Variants in AFF1 observed in about 807,000 individuals in gnomAD.
AFF1 encodes AF4/FMR2 family member 1.
AFF1 carries 48 observed loss-of-function variants against 121.7 expected under a neutral mutation model. That is an observed-to-expected ratio of 0.39 (90% CI 0.31 to 0.50). The LOEUF (loss-of-function observed/expected upper bound fraction) is 0.50. Among genes scored for constraint, AFF1 ranks in the 20% least tolerant of loss-of-function variants. AFF1 has a pLI of 0.76. For missense variants in AFF1, 1,523 were observed against 1,511.7 expected (o/e 1.01, Z -0.12); for synonymous variants, 613 against 563.0 (o/e 1.09, Z -1.26).
At chr4:87,000,580 TAAAAC>T (rs1338041356) in intron 2 of AFF1, among the ~76,000 whole-genome samples, 1 of 150,374 alleles carries the variant, frequency 6.7e-6, no homozygotes, top group Non-Finnish European at 1.5e-5. Context: ...TATTCTAAAA[TAAAAC>T]ATTTATTAAA....
chr4:87,022,331 C>G (rs1025087130), intron 2 of AFF1, among the ~76,000 whole-genome samples: 1 of 150,776 alleles, frequency 6.6e-6, no homozygotes, highest in Non-Finnish European at 1.5e-5. Flanking sequence ...AGGTAGTTAA[C>G]AGAGATATTA....
At chr4:87,102,033 T>C (rs1725479926) in intron 8 of AFF1, among the ~76,000 whole-genome samples, 1 of 152,144 alleles carries the variant, frequency 6.6e-6, no homozygotes, top group South Asian at 2.1e-4. Context: ...TGCCAGAACC[T>C]GTATGTGGCT....
chr4:87,114,564 C>T lies in AFF1; in HGVS notation c.1731C>T (p.Ala577=). 6.2e-7 allele frequency: 1 copy of T among 1,604,886 alleles called. No individual in the cohort carries two copies. The highest frequency in any genetic ancestry group is 8.5e-7 in the Non-Finnish European group (1 of 1,175,930). Residue 577 remains alanine, a synonymous_variant, in exon 12 of 21, where the codon GCC becomes GCT. Transcript: ENST00000395146. The part of the protein sequence containing the change: ...KDPPPKSSSK[A]PRAPPEAPHP... Reference sequence around the variant, plus strand: ...CTCCCCCTAAAAGCTCCAGCAAAGCCCCCCGGGCCCCACCCGAAGCCCCCC... The same window carrying T: ...CTCCCCCTAAAAGCTCCAGCAAAGCTCCCCGGGCCCCACCCGAAGCCCCCC...
At chr4:87,124,837 A>T (rs1293677149) in intron 12 of AFF1, among the ~76,000 whole-genome samples, 200 bp from the exon 13 acceptor site, 1 of 152,208 alleles carries the variant, frequency 6.6e-6, no homozygotes. Flanking sequence ...TAGAAATTAT[A>T]TCAAATCTAC....
intron 2 of AFF1, among the ~76,000 whole-genome samples, chr4:86,999,168 GT>G (rs139257428): frequency 0.041 from 6,308 of 152,186 alleles, 175 homozygotes; most frequent in Middle Eastern, 0.1. Flanking sequence ...ATTTTAAGGG[GT>G]TTATTGCTGA....
At chr4:87,001,452 G>A (rs1461285754) in intron 2 of AFF1, among the ~76,000 whole-genome samples, 1 of 151,894 alleles carries the variant, frequency 6.6e-6, no homozygotes, top group Non-Finnish European at 1.5e-5. Flanking sequence ...TCCTGACCTC[G>A]TGATCCACCC....
chr4:86,975,546 C>G (rs963902553), intron 2 of AFF1, among the ~76,000 whole-genome samples: 12 of 152,190 alleles, frequency 7.9e-5, no homozygotes, highest in Non-Finnish European at 1.5e-4. Flanking sequence ...CCACTGTGCT[C>G]AGTCTTCCAC....
rs1341888173 is a variant in AFF1, at chr4:87,139,773, C to A, written c.*4072C>A. ...TAGCATCGTGTTGGGGGTTTTCCTTCAAACACTGCAAGTGATATTGCCACC... is the reference window on the plus strand; with the variant it reads ...TAGCATCGTGTTGGGGGTTTTCCTTAAAACACTGCAAGTGATATTGCCACC... On this transcript the variant is annotated 3_prime_UTR_variant, in exon 21 of 21. Transcript: ENST00000395146. 8 of 225,738 alleles carry A rather than the reference C, an allele frequency of 3.5e-5. No homozygotes were observed. Among genetic ancestry groups the A allele is most frequent in the Non-Finnish European group, 6.2e-5 (7 of 113,796 alleles). The allele number at this position is 225,738 out of a possible 1,614,324, so 14.0% of individuals were successfully genotyped here.
intron 2 of AFF1, among the ~76,000 whole-genome samples, chr4:86,997,760 T>TG (rs1725328816): frequency 9.2e-6 from 1 of 109,126 alleles, no homozygotes; most frequent in Non-Finnish European, 2.0e-5. Flanking sequence ...AGACTCCATC[T>TG]CAAAAAAAAA....
chr4:86,938,875 G>A (rs147920920), intron 1 of AFF1, among the ~76,000 whole-genome samples: 14 of 152,326 alleles, frequency 9.2e-5, no homozygotes, highest in African/African-American at 2.6e-4. Context: ...TAGTATTCCC[G>A]AAGGGAAGAA....
rs1449532724 is a variant in AFF1 at position 87,114,782 on chromosome 4, C to T, written c.1949C>T (p.Pro650Leu). ...GSRDQTSKDK[P>L]KVKTKGRPRA... Reference sequence around the variant, plus strand: ...CGAGACCAGACTTCCAAAGACAAGCCCAAGGTGAAGACGAAAGGACGGCCC... The same window carrying T: ...CGAGACCAGACTTCCAAAGACAAGCTCAAGGTGAAGACGAAAGGACGGCCC... The change falls in exon 12 of 21, where the codon CCC becomes CTC. Residue 650 changes from proline (P) to leucine (L), a missense_variant. Around this residue, in one of 5 missense-constraint regions of AFF1, gnomAD observed 905 missense variants for 842.5 expected, o/e 1.07. Transcript: ENST00000395146. 3.1e-6 allele frequency: 5 copies of T among 1,613,268 alleles called. No homozygotes were observed. The highest frequency in any genetic ancestry group is 4.2e-6 in the Non-Finnish European group (5 of 1,179,720).
At chr4:86,969,879 C>CAAAAAAAAAAGAAAAAA (rs1722815436) in intron 2 of AFF1, among the ~76,000 whole-genome samples, 1 of 63,610 alleles carries the variant, frequency 1.6e-5, no homozygotes, top group Non-Finnish European at 3.1e-5. Flanking sequence ...GACTCCGTCT[C>CAAAAAAAAAAGAAAAAA]AAAAAAAAAA....
At chr4:86,996,285 G>A (rs1222684999) in intron 2 of AFF1, among the ~76,000 whole-genome samples, 1 of 152,144 alleles carries the variant, frequency 6.6e-6, no homozygotes, top group Admixed American at 6.5e-5. Flanking sequence ...AATAGAAAGG[G>A]GGGAAAGGTG....
chr4:87,068,685 C>T lies in AFF1; in HGVS notation c.1060-15435C>T, dbSNP rs192784933. Among the ~76,000 whole-genome samples the T allele has an allele frequency of 3.1e-3, 479 of 152,282 alleles. 2 individuals carry two copies. Among genetic ancestry groups the T allele is most frequent in the Non-Finnish European group, 2.2e-3 (148 of 68,028 alleles). ...CAGGGGGAAGGCAAATATTGCTAAGCAACGGTGTACTTGAGAGAGCATTTT... is the reference window on the plus strand; with the variant it reads ...CAGGGGGAAGGCAAATATTGCTAAGTAACGGTGTACTTGAGAGAGCATTTT... On this transcript the variant is annotated intron_variant, in intron 4 of 20. Transcript: ENST00000395146.
intron 2 of AFF1, among the ~76,000 whole-genome samples, chr4:86,996,314 C>G (rs1450254443): frequency 1.3e-5 from 2 of 152,044 alleles, no homozygotes; most frequent in Non-Finnish European, 2.9e-5. Flanking sequence ...ATTGAGAAAT[C>G]GGATGGTTGC....
chr4:87,018,373 TA>T (rs1171133483), intron 2 of AFF1, among the ~76,000 whole-genome samples: 2 of 152,100 alleles, frequency 1.3e-5, no homozygotes, highest in Non-Finnish European at 2.9e-5. Flanking sequence ...GAGGGAATAA[TA>T]GGGGGTGGGG....
chr4:86,963,045 A>G (rs1033252189), intron 2 of AFF1, among the ~76,000 whole-genome samples: 3 of 151,932 alleles, frequency 2.0e-5, no homozygotes, highest in East Asian at 1.9e-4. Flanking sequence ...ATGCACCTGT[A>G]ATCCCAGCTA....
chr4:87,089,265 T>G (rs1724058095), intron 5 of AFF1, among the ~76,000 whole-genome samples: 1 of 152,216 alleles, frequency 6.6e-6, no homozygotes, highest in Non-Finnish European at 1.5e-5. Context: ...TTTTCTGACA[T>G]ACCTGTTTTC....
intron 2 of AFF1, chr4:86,949,763 T>C (rs1007351649): frequency 6.2e-7 from 1 of 1,612,348 alleles, no homozygotes; most frequent in East Asian, 2.2e-5. Flanking sequence ...GATGGTCATC[T>C]GGGTGAAGCC....
Sources: gnomAD v4.1 joint callset for allele counts (sites outside exome capture counted in the v4.1 genomes callset) on GRCh38, gnomAD v4.1.1 for gene constraint, gnomAD v4.1.1 regional missense constraint, MANE v1.5 for transcripts, NCBI Gene and HGNC (gene_info 2026-07-23, HGNC 2026-07-21) for gene names.